The following MYO5B variants were observed in gnomAD, a reference collection of about 807,000 sequenced individuals.
The protein encoded by MYO5B is myosin VB, also known as unconventional myosin-Vb.
MYO5B carries 143 observed loss-of-function variants against 229.3 expected under a neutral mutation model. That is an observed-to-expected ratio of 0.62 (90% confidence interval 0.54 to 0.72). MYO5B has a LOEUF of 0.72. Among genes scored for constraint, MYO5B ranks in the 30% least tolerant of loss-of-function variants. The pLI is 0.00. For missense variants in MYO5B, 2,321 were observed against 2,331.0 expected, an observed-to-expected ratio of 1.00 and a Z score of 0.09; for synonymous variants, 918 against 885.2, an observed-to-expected ratio of 1.04 and a Z score of -0.66.
chr18:49,982,977 A>G (rs894252331), intron 8 of MYO5B, among the ~76,000 whole-genome samples: 1 of 152,188 alleles, frequency 6.6e-6, no homozygotes, highest in African/African-American at 2.4e-5. Context: ...CTACAAGGGC[A>G]GCTGCCAGAG....
Position 50,001,296 on chromosome 18 carries a change from T to C in MYO5B, c.571A>G (p.Asn191Asp), listed in dbSNP as rs1289250740. Residue 191 changes from asparagine (N) to aspartate (D), a missense_variant, in exon 5 of 40, where the codon AAC becomes GAC. Around this residue, in one of 2 missense-constraint regions of MYO5B, gnomAD observed 2,113 missense variants for 2,044.7 expected, o/e 1.03. Transcript: ENST00000285039. ...ATVGGSASET[N>D]IEEKVLASSP... is the part of the protein sequence containing the mutation. ...GATGCCAGCACCTTCTCTTCGATGT[T>C]GGTTTCACTGGCCGAGCCACCAACG... The C allele has an allele frequency of 3.1e-6, 5 of 1,614,216 alleles. No individual in the cohort carries two copies. The highest frequency in any genetic ancestry group is 4.2e-6 in the Non-Finnish European group (5 of 1,180,018).
chr18:50,070,935 C>G (rs1487990434), intron 1 of MYO5B, among the ~76,000 whole-genome samples: 1 of 152,204 alleles, frequency 6.6e-6, no homozygotes, highest in Admixed American at 6.5e-5. Flanking sequence ...CTCCTCTGGC[C>G]TCAGCCTCCT....
intron 4 of MYO5B, among the ~76,000 whole-genome samples, chr18:50,015,110 T>A (rs115626119): frequency 0.013 from 2,002 of 152,292 alleles, 37 homozygotes; most frequent in African/African-American, 0.046. Context: ...AAGATAGGAA[T>A]TCCCTCTGCA....
rs765050884 is a variant in MYO5B at position 49,974,495 on chromosome 18, A to G, written c.1177T>C (p.Ser393Pro). 2.5e-6 allele frequency: 4 copies of G among 1,614,052 alleles called. No individual in the cohort carries two copies. The African/African-American group carries it at 5.3e-5, about 22-fold the overall frequency. Residue 393 changes from serine to proline, a missense_variant, in exon 10 of 40, where the codon TCC (serine) becomes CCC (proline). By Grantham distance (74) the Ser-to-Pro change is moderately conservative. Coordinates refer to ENST00000285039, the MANE Select transcript of MYO5B (RefSeq NM_001080467.3). ...TTSETYVKTM[S>P]LQQVINARNA... ...CGCGCATTGATCACCTGCTGCAGGG[A>G]CATGGTCTTGACGTAGGTCTCCGAG...
At chr18:50,093,698 G>C (rs1278546932) in intron 1 of MYO5B, among the ~76,000 whole-genome samples, 1 of 151,990 alleles carries the variant, frequency 6.6e-6, no homozygotes, top group African/African-American at 2.4e-5. Flanking sequence ...CCAAAAACAA[G>C]ATGGAAATTA....
At chr18:49,832,646 C>T (rs1432415428) in intron 39 of MYO5B, among the ~76,000 whole-genome samples, 1 of 152,120 alleles carries the variant, frequency 6.6e-6, no homozygotes, top group Non-Finnish European at 1.5e-5. Flanking sequence ...CCTAGAATTG[C>T]CCACGTTTTC....
At chr18:50,163,750 C>T (rs1266435080) in intron 1 of MYO5B, among the ~76,000 whole-genome samples, 1 of 152,210 alleles carries the variant, frequency 6.6e-6, no homozygotes, top group Admixed American at 6.5e-5. Flanking sequence ...CAGACTTGTT[C>T]AAGCTGCACC....
At chr18:50,134,377 A>C (rs908086921) in intron 1 of MYO5B, among the ~76,000 whole-genome samples, 1 of 151,952 alleles carries the variant, frequency 6.6e-6, no homozygotes, top group Non-Finnish European at 1.5e-5. Context: ...AACACGGTGA[A>C]ACCCCATCTC....
chr18:50,146,784 A>T (rs1283924979), intron 1 of MYO5B, among the ~76,000 whole-genome samples: 1 of 152,242 alleles, frequency 6.6e-6, no homozygotes, highest in Non-Finnish European at 1.5e-5. Flanking sequence ...AGTGTAATCC[A>T]TTTGGGTAAA....
intron 22 of MYO5B, among the ~76,000 whole-genome samples, chr18:49,888,984 C>T (rs1019607996): frequency 4.6e-5 from 7 of 152,186 alleles, no homozygotes; most frequent in South Asian, 2.1e-4. Context: ...GAGTCCTCAA[C>T]GTGGACCTAG....
chr18:50,002,942 G>A (rs576175532), intron 4 of MYO5B, among the ~76,000 whole-genome samples: 1 of 152,264 alleles, frequency 6.6e-6, no homozygotes, highest in Non-Finnish European at 1.5e-5. Context: ...CTTGCTAACT[G>A]TCAACATGAG....
chr18:49,889,124 G>T (rs2024680012), intron 22 of MYO5B, among the ~76,000 whole-genome samples: 1 of 152,184 alleles, frequency 6.6e-6, no homozygotes, highest in South Asian at 2.1e-4. Flanking sequence ...ACAACTAAGG[G>T]CTCCCTTTAA....
intron 33 of MYO5B, among the ~76,000 whole-genome samples, chr18:49,843,780 G>C (rs1367596189): frequency 6.6e-6 from 1 of 152,224 alleles, no homozygotes; most frequent in Non-Finnish European, 1.5e-5. Flanking sequence ...GCTCCCACAT[G>C]GGGGCAGGAA....
In MYO5B at chr18:49,930,891, C is replaced by CAAAAG. The variant is rs761741185; in HGVS notation, c.2004-1294_2004-1293insCTTTT. On this transcript the variant is annotated intron_variant, in intron 16 of 39. Transcript: ENST00000285039. ...TGGGTGACAGAGTGAGACTCTGTCT[C>CAAAAG]AAAAAAAAACACTAGTAAGAAAAAA... Among the ~76,000 whole-genome samples, 4 of 140,850 alleles carry CAAAAG rather than the reference C, an allele frequency of 2.8e-5. No individual in the cohort carries two copies. In the East Asian group the frequency reaches 8.5e-4, roughly 30 times the overall value. The allele number at this position is 140,850 out of a possible 152,430, so 92.4% of individuals were successfully genotyped here.
intron 28 of MYO5B, 105 bp from the exon 29 acceptor site, chr18:49,863,432 C>T (rs2024355621): frequency 7.5e-6 from 7 of 938,408 alleles, no homozygotes; most frequent in Non-Finnish European, 1.0e-5. Flanking sequence ...AGACAAAGGC[C>T]TGGAAAGAAC....
chr18:50,039,578 G>T (rs1217315522), intron 3 of MYO5B, among the ~76,000 whole-genome samples: 3 of 152,126 alleles, frequency 2.0e-5, no homozygotes, highest in Non-Finnish European at 4.4e-5. Flanking sequence ...TGATCCGCCC[G>T]CCTCGGCCTC....
intron 2 of MYO5B, among the ~76,000 whole-genome samples, chr18:50,052,548 A>C (rs1598983988): frequency 9.7e-6 from 1 of 102,914 alleles, no homozygotes; most frequent in African/African-American, 4.1e-5. Context: ...CACTCTGGGG[A>C]CTGTTGTGGG....
intron 4 of MYO5B, among the ~76,000 whole-genome samples, chr18:50,016,539 A>G (rs8087310): frequency 0.019 from 2,882 of 152,272 alleles, 79 homozygotes; most frequent in African/African-American, 0.061. Context: ...CCCAACTGTC[A>G]CAATCTCACT....
At chr18:49,859,878 C>T in intron 29 of MYO5B, among the ~76,000 whole-genome samples, 1 of 152,246 alleles carries the variant, frequency 6.6e-6, no homozygotes, top group East Asian at 1.9e-4. Flanking sequence ...AGCCGAGGCT[C>T]AAGGTCAAAT....
Sources: allele counts gnomAD v4.1 joint callset (sites outside exome capture counted in the v4.1 genomes callset), GRCh38; gene constraint gnomAD v4.1.1; regional missense constraint gnomAD v4.1.1; transcripts MANE v1.5; gene names NCBI Gene and HGNC (gene_info 2026-07-23, HGNC 2026-07-21).